SH3D19: variants seen among roughly 807,000 people sequenced by gnomAD.
SH3D19 encodes the protein SH3 domain-containing protein 19.
In SH3D19, 58 loss-of-function variants were observed where a neutral mutation model predicts 112.1. That is an observed-to-expected ratio of 0.52 (90% CI 0.42 to 0.64). SH3D19 has a LOEUF of 0.64. SH3D19 is among the 30% of genes least tolerant of loss of function. SH3D19 has a pLI of 0.00. For missense variants in SH3D19, 1,090 were observed against 1,263.4 expected, an observed-to-expected ratio of 0.86 and a Z score of 2.08; for synonymous variants, 391 against 448.5, an observed-to-expected ratio of 0.87 and a Z score of 1.62.
intron 1 of SH3D19, among the ~76,000 whole-genome samples, chr4:151,302,787 T>C (rs1336093021): frequency 6.7e-6 from 1 of 150,168 alleles, no homozygotes; most frequent in Admixed American, 6.7e-5. Flanking sequence ...GAAAACCAAA[T>C]ACCGCATGTT....
chr4:151,123,779 T>C (rs988094001), intron 19 of SH3D19, among the ~76,000 whole-genome samples: 2 of 152,218 alleles, frequency 1.3e-5, no homozygotes, highest in Non-Finnish European at 2.9e-5. Flanking sequence ...GTGTTTAAGA[T>C]GCTACAATGG....
intron 2 of SH3D19, among the ~76,000 whole-genome samples, chr4:151,196,052 T>A (rs927526967): frequency 6.6e-6 from 1 of 152,072 alleles, no homozygotes; most frequent in Non-Finnish European, 1.5e-5. Context: ...AAACCTGGTA[T>A]AAGCTGCTGC....
At chr4:151,231,490 G>C (rs1769606348) in intron 1 of SH3D19, among the ~76,000 whole-genome samples, 1 of 152,166 alleles carries the variant, frequency 6.6e-6, no homozygotes. Context: ...GTTTAGGTGT[G>C]TCTCCAAACT....
intron 1 of SH3D19, among the ~76,000 whole-genome samples, chr4:151,298,071 C>T (rs1166289961): frequency 6.6e-6 from 1 of 152,108 alleles, no homozygotes; most frequent in African/African-American, 2.4e-5. Context: ...AAGGCAAAAA[C>T]AGGATTCTCC....
chr4:151,128,998 C>A (rs1462833283), intron 17 of SH3D19, among the ~76,000 whole-genome samples: 1 of 152,092 alleles, frequency 6.6e-6, no homozygotes, highest in East Asian at 1.9e-4. Flanking sequence ...TAGGTAAAAG[C>A]ATAAAATATT....
chr4:151,183,763 T>A (rs1761307162), intron 3 of SH3D19, among the ~76,000 whole-genome samples: 1 of 152,242 alleles, frequency 6.6e-6, no homozygotes, highest in Admixed American at 6.5e-5. Context: ...AGAAACTTAC[T>A]GACTACATTT....
intron 12 of SH3D19, among the ~76,000 whole-genome samples, chr4:151,141,311 A>C (rs2149761016): frequency 1.3e-5 from 2 of 152,156 alleles, no homozygotes; most frequent in South Asian, 4.2e-4. Context: ...TTTTTTGTAG[A>C]GATTGGGTCT....
At chr4:151,129,417 T>C (rs1464222917) in intron 17 of SH3D19, among the ~76,000 whole-genome samples, 1 of 152,222 alleles carries the variant, frequency 6.6e-6, no homozygotes, top group Non-Finnish European at 1.5e-5. Context: ...TTGCCCAGGC[T>C]GAAGGGCAAT....
chr4:151,214,707 C>T lies in SH3D19; in HGVS notation c.152+11340G>A, dbSNP rs866318606. ...GGGGCTCCTCACTTCCCAGTAGGGG[C>T]GGCCGGGCAGAGGCGCCCCTCACCT... On this transcript the variant is annotated intron_variant, in intron 2 of 19. Coordinates refer to ENST00000604030, the MANE Select transcript of SH3D19 (RefSeq NM_001378122.1). 2.2e-3 allele frequency among the ~76,000 whole-genome samples: 160 copies of T among 71,858 alleles called. 8 individuals carry two copies. The highest frequency in any genetic ancestry group is 3.5e-3 in the African/African-American group (89 of 25,102). The allele number at this position is 71,858 out of a possible 152,430, so 47.1% of individuals were successfully genotyped here.
At chr4:151,219,260 A>C (rs1286232063) in intron 2 of SH3D19, among the ~76,000 whole-genome samples, 2 of 152,126 alleles carry the variant, frequency 1.3e-5, no homozygotes, top group African/African-American at 4.8e-5. Flanking sequence ...CCCTGGTCTG[A>C]CTTCAGCAAG....
intron 6 of SH3D19, 104 bp downstream of exon 6, chr4:151,176,430 C>G: frequency 5.6e-6 from 5 of 899,346 alleles, no homozygotes; most frequent in Non-Finnish European, 7.3e-6. Flanking sequence ...CAGCAGAGCT[C>G]AATGAATTAT....
intron 1 of SH3D19, among the ~76,000 whole-genome samples, chr4:151,268,139 G>T (rs1322574291): frequency 2.6e-5 from 4 of 152,144 alleles, no homozygotes; most frequent in African/African-American, 9.7e-5. Context: ...ACATGCTATA[G>T]TCTATTGCTC....
intron 1 of SH3D19, among the ~76,000 whole-genome samples, chr4:151,268,591 TC>T (rs1305225426): frequency 1.0e-5 from 1 of 96,156 alleles, no homozygotes; most frequent in South Asian, 4.8e-4. Context: ...TCCCTCCCCC[TC>T]CCCCCACCCC....
intron 1 of SH3D19, among the ~76,000 whole-genome samples, chr4:151,256,694 G>T (rs200385887): frequency 3.6e-4 from 48 of 134,238 alleles, no homozygotes; most frequent in Non-Finnish European, 4.5e-4. Context: ...TTGTTTTGTT[G>T]TTTTTTTTTT....
At chr4:151,238,861 C>T (rs1770340606) in intron 1 of SH3D19, among the ~76,000 whole-genome samples, 2 of 152,118 alleles carry the variant, frequency 1.3e-5, no homozygotes, top group African/African-American at 4.8e-5. Context: ...TACAACACAA[C>T]GTCTGTTGCA....
intron 11 of SH3D19, among the ~76,000 whole-genome samples, chr4:151,146,037 C>T (rs1753861183): frequency 3.3e-5 from 5 of 151,994 alleles, no homozygotes; most frequent in Admixed American, 3.3e-4. Flanking sequence ...CAAAGAACAC[C>T]CCTGGGTTTT....
chr4:151,268,290 T>C (rs1367199359), intron 1 of SH3D19, among the ~76,000 whole-genome samples: 1 of 152,148 alleles, frequency 6.6e-6, no homozygotes, highest in East Asian at 1.9e-4. Context: ...TACACCTATA[T>C]AGGGCACTTA....
At chr4:151,147,780 A>T in intron 11 of SH3D19, 142 bp downstream of exon 11, 1 of 1,036,584 alleles carries the variant, frequency 9.6e-7, no homozygotes, top group East Asian at 2.5e-5. Flanking sequence ...AGAATTTATT[A>T]TGGCCTACTC....
Position 151,321,913 on chromosome 4 carries a change from T to TGG in SH3D19, c.112+3326_112+3327dup, listed in dbSNP as rs557968495. On this transcript the variant is annotated intron_variant, in intron 1 of 19. Coordinates refer to ENST00000604030, the MANE Select transcript of SH3D19 (RefSeq NM_001378122.1). The stretch of plus-strand genomic sequence containing the variant: ...TTCCTTGTTTGTAATGGGCATTTGG[T>TGG]GGATTAGTGAGACACCCCCAAGAAT... Among the ~76,000 whole-genome samples, 16 of 152,292 alleles carry TGG rather than the reference T, an allele frequency of 1.1e-4. No homozygotes were observed. The South Asian group carries it at 3.3e-3, about 32-fold the overall frequency.
Sources: allele counts gnomAD v4.1 joint callset (sites outside exome capture counted in the v4.1 genomes callset), GRCh38; gene constraint gnomAD v4.1.1; transcripts MANE v1.5; gene names NCBI Gene and HGNC (gene_info 2026-07-23, HGNC 2026-07-21).